FLT1: variants seen among roughly 807,000 people sequenced by gnomAD.
FLT1 encodes the protein vascular endothelial growth factor receptor 1.
A neutral mutation model predicts 156.3 loss-of-function variants in FLT1; 49 were observed. The ratio of observed to expected loss-of-function variants is 0.31; its 90% confidence interval spans 0.25 to 0.40. The LOEUF is 0.40. Ranked by LOEUF, FLT1 falls within the 10% of genes least tolerant of loss-of-function variation. The pLI, the probability that FLT1 is intolerant of heterozygous loss-of-function variation, is 1.00. For missense variants in FLT1, 1,322 were observed against 1,637.2 expected (o/e 0.81, Z 3.32); for synonymous variants, 594 against 583.8 (o/e 1.02, Z -0.25).
chr13:28,361,341 C>T (rs1873107128), intron 14 of FLT1, among the ~76,000 whole-genome samples: 1 of 151,958 alleles, frequency 6.6e-6, no homozygotes, highest in African/African-American at 2.4e-5. Context: ...AATCTCACCT[C>T]CCAGATGTTG....
intron 15 of FLT1, among the ~76,000 whole-genome samples, chr13:28,349,484 A>G (rs986594911): frequency 2.0e-5 from 3 of 151,914 alleles, no homozygotes; most frequent in Non-Finnish European, 2.9e-5. Flanking sequence ...ACACACACAC[A>G]CGCACACATT....
At position 28,384,867 on chromosome 13, in the gene FLT1, G is replaced by GA. The variant is rs150158702; in HGVS notation, c.2116+17dup. ...GAAAGATGAGAAATAATAAATGGAA[G>GA]AAAAAAAAGTCTCTTACCAGGCTCT... On this transcript the variant is annotated intron_variant, in intron 14 of 29. Transcript: ENST00000282397. The GA allele has an allele frequency of 6.8e-6, 11 of 1,611,016 alleles. No individual in the cohort carries two copies. The highest frequency in any genetic ancestry group is 5.4e-5 in the African/African-American group (4 of 74,702).
intron 10 of FLT1, among the ~76,000 whole-genome samples, chr13:28,413,478 G>A (rs1322874262): frequency 6.6e-6 from 1 of 151,860 alleles, no homozygotes; most frequent in Admixed American, 6.6e-5. Context: ...TAACTGAAAG[G>A]CTAAAAGAGT....
chr13:28,393,004 T>A (rs1874831499), intron 12 of FLT1, among the ~76,000 whole-genome samples: 1 of 152,154 alleles, frequency 6.6e-6, no homozygotes, highest in Admixed American at 6.5e-5. Context: ...TGTTGACTTT[T>A]TTTTTTAGTC....
At chr13:28,434,787 G>T (rs1193968916) in intron 4 of FLT1, among the ~76,000 whole-genome samples, 1 of 152,182 alleles carries the variant, frequency 6.6e-6, no homozygotes, top group African/African-American at 2.4e-5. Context: ...GGAGGCTGAG[G>T]CAGGAGAATC....
intron 14 of FLT1, among the ~76,000 whole-genome samples, chr13:28,372,414 T>C (rs1397520318): frequency 6.6e-6 from 1 of 150,716 alleles, no homozygotes; most frequent in East Asian, 1.9e-4. Context: ...TTTGTACATA[T>C]GCACACGTAT....
chr13:28,441,778 C>T (rs1382893789), intron 3 of FLT1, among the ~76,000 whole-genome samples: 1 of 151,566 alleles, frequency 6.6e-6, no homozygotes, highest in Non-Finnish European at 1.5e-5. Context: ...CCTTCTCTGC[C>T]CAAAAAAAGT....
At chr13:28,460,121 C>G (rs1879482802) in intron 3 of FLT1, among the ~76,000 whole-genome samples, 2 of 152,174 alleles carry the variant, frequency 1.3e-5, no homozygotes, top group East Asian at 1.9e-4. Context: ...CCCAGCTGGG[C>G]AGTGTTGACT....
Position 28,322,853 on chromosome 13 carries a change from C to T in FLT1, c.2890G>A (p.Glu964Lys), listed in dbSNP as rs753953796. ...TGAAAGCCGGAGCTCGCAAAGCTTT[C>T]GCTGCTGGTGACGCTATCTAGTCTT... ...KPRLDSVTSS[E>K]SFASSGFQED... The change falls in exon 21 of 30, where the codon GAA becomes AAA. Residue 964 changes from glutamate to lysine, a missense_variant. Glu to Lys is a moderately conservative substitution (Grantham distance 56). This residue lies in a region of FLT1 where 991 missense variants were observed against 1,254.8 expected (regional missense o/e 0.79). Transcript: ENST00000282397. The surrounding 1 kb of genome is among the most constrained non-coding windows in gnomAD (Gnocchi z 4.3). The T allele has an allele frequency of 1.5e-5, 24 of 1,614,054 alleles. No homozygotes were observed. Among genetic ancestry groups the T allele is most frequent in the African/African-American group, 5.3e-5 (4 of 74,916 alleles).
At chr13:28,393,594 G>C (rs1874866443) in intron 12 of FLT1, among the ~76,000 whole-genome samples, 1 of 152,100 alleles carries the variant, frequency 6.6e-6, no homozygotes, top group African/African-American at 2.4e-5. Context: ...TTTTGTTGTT[G>C]TTGTTGTTTT....
chr13:28,463,860 T>C (rs894227051), intron 3 of FLT1, among the ~76,000 whole-genome samples: 4 of 152,196 alleles, frequency 2.6e-5, no homozygotes, highest in African/African-American at 9.7e-5. Flanking sequence ...GTTATGATTG[T>C]TTAATGGATT....
At chr13:28,475,678 T>A (rs1056439778) in intron 1 of FLT1, among the ~76,000 whole-genome samples, 5 of 152,236 alleles carry the variant, frequency 3.3e-5, no homozygotes, top group African/African-American at 1.2e-4. Flanking sequence ...CGATGCTTAT[T>A]CTTATAGGGC....
chr13:28,346,067 C>A (rs1872556132), intron 15 of FLT1: 1 of 157,690 alleles, frequency 6.3e-6, no homozygotes, highest in South Asian at 1.9e-4. Flanking sequence ...AGGACTGTCA[C>A]AGTTGCCTGT....
intron 14 of FLT1, among the ~76,000 whole-genome samples, chr13:28,384,448 CAAAAA>C (rs79860949): frequency 1.7e-5 from 1 of 60,280 alleles, no homozygotes; most frequent in Non-Finnish European, 3.6e-5. Context: ...GACTCCATCT[CAAAAA>C]AAAAAAAAAA....
chr13:28,463,561 T>G (rs1187988730), intron 3 of FLT1, among the ~76,000 whole-genome samples: 1 of 152,316 alleles, frequency 6.6e-6, no homozygotes, highest in African/African-American at 2.4e-5. Context: ...TTATTGGGGC[T>G]GAAATCCCCC....
At chr13:28,414,719 C>T (rs1447542658) in intron 10 of FLT1, among the ~76,000 whole-genome samples, 1 of 152,188 alleles carries the variant, frequency 6.6e-6, no homozygotes, top group African/African-American at 2.4e-5. Context: ...GTGAGCAACA[C>T]TTGTCTTTTG....
At chr13:28,372,048 G>GTGTA (rs1288888215) in intron 14 of FLT1, among the ~76,000 whole-genome samples, 57 of 75,554 alleles carry the variant, frequency 7.5e-4, no homozygotes, top group East Asian at 1.4e-3. Flanking sequence ...GTGTGTGTGT[G>GTGTA]TATATATATA....
At chr13:28,414,536 A>G (rs1876529998) in intron 10 of FLT1, among the ~76,000 whole-genome samples, 1 of 152,262 alleles carries the variant, frequency 6.6e-6, no homozygotes, top group Non-Finnish European at 1.5e-5. Flanking sequence ...TTAGGGTGAT[A>G]CTTAATGTGT....
intron 13 of FLT1, chr13:28,387,536 A>ATAGC (rs1874432914): frequency 9.4e-7 from 1 of 1,062,568 alleles, no homozygotes; most frequent in Non-Finnish European, 1.1e-6. Flanking sequence ...GTAGCCAAAG[A>ATAGC]TAGCTGCCCA....
Sources: allele counts gnomAD v4.1 joint callset (sites outside exome capture counted in the v4.1 genomes callset), GRCh38; gene constraint gnomAD v4.1.1; regional missense constraint gnomAD v4.1.1; non-coding constraint Gnocchi (gnomAD v3.1); transcripts MANE v1.5; gene names NCBI Gene and HGNC (gene_info 2026-07-23, HGNC 2026-07-21).